The following SLFN11 variants were observed in gnomAD, a reference collection of about 807,000 sequenced individuals.
SLFN11 encodes schlafen family member 11.
In SLFN11, 43 loss-of-function variants were observed where a neutral mutation model predicts 53.4. The observed-to-expected ratio is 0.80, with a 90% CI of 0.63 to 1.04. The LOEUF is 1.04. Among genes scored for constraint, SLFN11 ranks in the 50% least tolerant of loss-of-function variants. The pLI is 0.00. For synonymous variants in SLFN11, 389 were observed against 394.7 expected, an observed-to-expected ratio of 0.99 and a Z score of 0.17; for missense variants, 990 against 1,079.1, an observed-to-expected ratio of 0.92 and a Z score of 1.16.
intron 5 of SLFN11, among the ~76,000 whole-genome samples, chr17:35,359,122 A>G (rs939785634): frequency 1.3e-5 from 2 of 152,154 alleles, no homozygotes; most frequent in Non-Finnish European, 2.9e-5. Context: ...TAGAAGTTTT[A>G]GAAAACTGAT....
chr17:35,361,522 TG>T (rs1481924371), intron 4 of SLFN11, among the ~76,000 whole-genome samples: 3 of 152,010 alleles, frequency 2.0e-5, no homozygotes, highest in Non-Finnish European at 4.4e-5. Context: ...GGTGCATTGC[TG>T]TAATAATGGC....
rs1906747341 is a variant in SLFN11, at chr17:35,352,094, A to G, written c.*262T>C. On this transcript the variant is annotated 3_prime_UTR_variant, in exon 7 of 7. Transcript: ENST00000685675. ...CCCAAAATGCAAGACACAGATCGGC[A>G]TTGTGCAGGACAGCTAAAGTTCCTT... The G allele has an allele frequency of 4.1e-6, 2 of 483,330 alleles. No individual in the cohort carries two copies. The highest frequency in any genetic ancestry group is 7.1e-5 in the Admixed American group (2 of 28,158). The allele number at this position is 483,330 out of a possible 1,614,324, so 29.9% of individuals were successfully genotyped here. A position where few individuals can be genotyped will look rare whatever the true frequency, so the allele number is the denominator to read the frequency against.
chr17:35,362,766 C>T lies in SLFN11; in HGVS notation c.1042G>A (p.Val348Ile). The stretch of plus-strand genomic sequence containing the variant: ...GGATCTGTGTCTGTCATCATGCCTA[C>T]CCATTTCTCGGTTGTCAGGCTGCAG... ...YVCSLTTEKW[V>I]GMMTDTDPDL... is the part of the protein sequence containing the mutation. The change falls in exon 4 of 7, where the codon GTA (valine) becomes ATA (isoleucine). Residue 348 changes from valine (V) to isoleucine (I), a missense_variant. By Grantham distance (29) the Val-to-Ile change is conservative. Transcript: ENST00000685675. 5 of 1,586,378 alleles carry T rather than the reference C, an allele frequency of 3.2e-6. No homozygotes were observed. The highest frequency in any genetic ancestry group is 3.4e-6 in the Non-Finnish European group (4 of 1,166,466).
In SLFN11 at chr17:35,353,672, G is replaced by A; in HGVS notation, c.1586C>T (p.Ala529Val). Residue 529 changes from alanine to valine, a missense_variant, in exon 6 of 7, where the codon GCA (alanine) becomes GTA (valine). Physicochemically the swap from Ala to Val is moderately conservative, Grantham distance 64. Coordinates refer to ENST00000685675, the MANE Select transcript of SLFN11 (RefSeq NM_001376007.1). Reference sequence around the variant, plus strand: ...CGCAGGGTAATCCATCGGAGACACTGCAGCCTCCAAGGCCTCTGCGCTGCT... The same window carrying A: ...CGCAGGGTAATCCATCGGAGACACTACAGCCTCCAAGGCCTCTGCGCTGCT... The part of the protein sequence containing the change: ...PESSAEALEA[A>V]VSPMDYPASY... 2 of 1,235,728 alleles carry A rather than the reference G, an allele frequency of 1.6e-6. No homozygotes were observed. Among genetic ancestry groups the A allele is most frequent in the Non-Finnish European group, 1.1e-6 (1 of 918,520 alleles). 76.5% of individuals were successfully genotyped at this position (1,235,728 alleles called of 1,614,324 possible).
rs180743872 is a variant in SLFN11, at chr17:35,370,674, T to C, written c.-235+2800A>G. Among the ~76,000 whole-genome samples the C allele has an allele frequency of 2.4e-4, 36 of 152,168 alleles. 1 individual carries two copies. Among genetic ancestry groups the C allele is most frequent in the Admixed American group, 2.2e-3 (33 of 15,286 alleles). On this transcript the variant is annotated intron_variant, in intron 1 of 6. Transcript: ENST00000685675. Reference sequence around the variant, plus strand: ...TACAAAAATCAGTAGCATCTCTATATACCAATAGTGAACAATCTGAAAAAG... The same window carrying C: ...TACAAAAATCAGTAGCATCTCTATACACCAATAGTGAACAATCTGAAAAAG...
rs139588310 is a variant in SLFN11 at position 35,353,793 on chromosome 17, G to A, written c.1465C>T (p.Arg489Cys). ...QDAEGQDYCT[R>C]TAFTLKQKLV... ...TTCTGCTTCAAAGTAAAGGCGGTGC[G>A]AGTGCAGTAGTCCTGGCCCTCTGCA... is the stretch of plus-strand genomic sequence containing the variant. Residue 489 changes from arginine to cysteine, a missense_variant, in exon 6 of 7, where the codon CGC becomes TGC. Physicochemically the swap from Arg to Cys is radical, Grantham distance 180. Transcript: ENST00000685675. 0.012 allele frequency: 18,590 copies of A among 1,574,172 alleles called. 164 individuals are homozygous for A. Among genetic ancestry groups the A allele is most frequent in the Middle Eastern group, 0.019 (112 of 5,876 alleles).
At chr17:35,367,962 C>G (rs1234506986) in intron 1 of SLFN11, among the ~76,000 whole-genome samples, 3 of 152,062 alleles carry the variant, frequency 2.0e-5, no homozygotes, top group African/African-American at 7.2e-5. Context: ...ACAACCACCC[C>G]CAAGCGAGGG....
chr17:35,363,239 GC>G lies in SLFN11; in HGVS notation c.568del (p.Ala190LeufsTer3), dbSNP rs1161793276. The stretch of plus-strand genomic sequence containing the variant: ...ATAGTCTTTTTGGAAAATTAGGTCA[GC>G]AGGATCCGAGTTTGGGTCAGCAGGA... Reference protein sequence around the residue: ...SDPADPNSDPADLIFQKDYLE... With the variant: ...SDPADPNSDPXDLIFQKDYLE... On this transcript the variant is annotated frameshift_variant, in exon 4 of 7. Coordinates refer to ENST00000685675, the MANE Select transcript of SLFN11 (RefSeq NM_001376007.1). LOFTEE classifies it high-confidence loss of function. The G allele has an allele frequency of 1.2e-6, 2 of 1,613,950 alleles. No homozygotes were observed. The highest frequency in any genetic ancestry group is 3.3e-5 in the Admixed American group (2 of 59,996).
At chr17:35,359,753 G>A (rs959571294) in intron 5 of SLFN11, among the ~76,000 whole-genome samples, 5 of 152,054 alleles carry the variant, frequency 3.3e-5, no homozygotes, top group Non-Finnish European at 5.9e-5. Flanking sequence ...CACCACTCCC[G>A]TGGAAAATCT....
At position 35,363,066 on chromosome 17, in the gene SLFN11, T is replaced by G; in HGVS notation, c.742A>C (p.Ile248Leu). Residue 248 changes from isoleucine to leucine, a missense_variant, in exon 4 of 7, where the codon ATT (isoleucine) becomes CTT (leucine). Ile to Leu is a conservative substitution (Grantham distance 5). Around this residue, in one of 3 missense-constraint regions of SLFN11, gnomAD observed 521 missense variants for 516.2 expected, o/e 1.01. Coordinates refer to ENST00000685675, the MANE Select transcript of SLFN11 (RefSeq NM_001376007.1). Reference protein sequence around the residue: ...FANTGGGYLFIGVDDKSREVL... With the variant: ...FANTGGGYLFLGVDDKSREVL... Reference sequence around the variant, plus strand: ...TCCCTACTCTTATCATCCACTCCAATAAAAAGATAGCCTCCTCCAGTGTTT... The same window carrying G: ...TCCCTACTCTTATCATCCACTCCAAGAAAAAGATAGCCTCCTCCAGTGTTT... 6.2e-7 allele frequency: 1 copy of G among 1,614,036 alleles called. No individual in the cohort carries two copies. Among genetic ancestry groups the G allele is most frequent in the Non-Finnish European group, 8.5e-7 (1 of 1,179,972 alleles).
Position 35,363,814 on chromosome 17 carries a change from C to T in SLFN11, c.-7G>A, listed in dbSNP as rs1205435306. On this transcript the variant is annotated 5_prime_UTR_variant, in exon 4 of 7. Coordinates refer to ENST00000685675, the MANE Select transcript of SLFN11 (RefSeq NM_001376007.1). ...GGCACTGATTTGCCTCCATGTTGAA[C>T]TCACAGCTGAAACTATTAGAAGAAA... The T allele has an allele frequency of 7.1e-6, 11 of 1,551,680 alleles. No homozygotes were observed. Among genetic ancestry groups the T allele is most frequent in the Admixed American group, 2.1e-5 (1 of 46,892 alleles).
chr17:35,361,436 C>T (rs779120026), intron 4 of SLFN11, among the ~76,000 whole-genome samples: 1 of 151,998 alleles, frequency 6.6e-6, no homozygotes, highest in Non-Finnish European at 1.5e-5. Context: ...CACCCCTACC[C>T]CCGTGACCCT....
rs148853374 is a variant in SLFN11, at chr17:35,363,710, T to G, written c.98A>C (p.Lys33Thr). 3.7e-6 allele frequency: 6 copies of G among 1,613,824 alleles called. No homozygotes were observed. In the African/African-American group the frequency reaches 8.0e-5, roughly 22 times the overall value. Reference sequence around the variant, plus strand: ...TTGGTCTCTCTGAATTTTCTGCAGCTTTTTTCTGTTTTCTTCTCCAAGAGT... The same window carrying G: ...TTGGTCTCTCTGAATTTTCTGCAGCGTTTTTCTGTTTTCTTCTCCAAGAGT... The part of the protein sequence containing the change: ...EVTLGEENRK[K>T]LQKIQRDQEK... The change falls in exon 4 of 7, where the codon AAG becomes ACG. Residue 33 changes from lysine to threonine, a missense_variant. By Grantham distance (78) the Lys-to-Thr change is moderately conservative. Coordinates refer to ENST00000685675, the MANE Select transcript of SLFN11 (RefSeq NM_001376007.1).
chr17:35,360,331 A>T lies in SLFN11; in HGVS notation c.1110T>A (p.Ser370Arg), dbSNP rs1018415887. Reference sequence around the variant, plus strand: ...TGCTAAGGGGAGGCCCACTAGATAGACTCAGCTGACATTCAAAATCTTCAG... The same window carrying T: ...TGCTAAGGGGAGGCCCACTAGATAGTCTCAGCTGACATTCAAAATCTTCAG... ...QLSEDFECQL[S>R]LSSGPPLSRP... Residue 370 changes from serine to arginine, a missense_variant, in exon 5 of 7, where the codon AGT (serine) becomes AGA (arginine). By Grantham distance (110) the Ser-to-Arg change is moderately radical. Around this residue, in one of 3 missense-constraint regions of SLFN11, gnomAD observed 521 missense variants for 516.2 expected, o/e 1.01. Coordinates refer to ENST00000685675, the MANE Select transcript of SLFN11 (RefSeq NM_001376007.1). 9 of 1,609,194 alleles carry T rather than the reference A, an allele frequency of 5.6e-6. No homozygotes were observed. Among genetic ancestry groups the T allele is most frequent in the Non-Finnish European group, 6.8e-6 (8 of 1,178,504 alleles).
chr17:35,352,285 A>G lies in SLFN11; in HGVS notation c.*71T>C. 1.3e-6 allele frequency: 2 copies of G among 1,550,682 alleles called. No individual in the cohort carries two copies. Among genetic ancestry groups the G allele is most frequent in the Non-Finnish European group, 1.8e-6 (2 of 1,142,426 alleles). On this transcript the variant is annotated 3_prime_UTR_variant, in exon 7 of 7. Coordinates refer to ENST00000685675, the MANE Select transcript of SLFN11 (RefSeq NM_001376007.1). ...CCAAATCTCTGACTTGTGAACTAAA[A>G]AGAAAGGTTTCTACCATCAGCAGAC...
At position 35,352,934 on chromosome 17, in the gene SLFN11, A is replaced by G; in HGVS notation, c.2128T>C (p.Leu710=). 2 of 1,614,228 alleles carry G rather than the reference A, an allele frequency of 1.2e-6. No homozygotes were observed. Among genetic ancestry groups the G allele is most frequent in the Non-Finnish European group, 8.5e-7 (1 of 1,180,048 alleles). ...IFLDYFQTSH[L]DCSGLPPLSD... ...AGAGGAGGGAGGCCACTGCAATCCAAGTGGCTGGTCTGAAAGTAATCCAGA... is the reference window on the plus strand; with the variant it reads ...AGAGGAGGGAGGCCACTGCAATCCAGGTGGCTGGTCTGAAAGTAATCCAGA... Residue 710 remains leucine (L), a synonymous_variant, in exon 7 of 7, where the codon TTG becomes CTG. Coordinates refer to ENST00000685675, the MANE Select transcript of SLFN11 (RefSeq NM_001376007.1).
At chr17:35,364,063 T>C (rs189199993) in intron 3 of SLFN11, among the ~76,000 whole-genome samples, 2 of 152,110 alleles carry the variant, frequency 1.3e-5, no homozygotes, top group East Asian at 3.9e-4. Context: ...TAAACTAATC[T>C]GAAGATGATG....
rs772949390 is a variant in SLFN11, at chr17:35,352,372, G to A, written c.2690C>T (p.Pro897Leu). 14 of 1,613,558 alleles carry A rather than the reference G, an allele frequency of 8.7e-6. No homozygotes were observed. Among genetic ancestry groups the A allele is most frequent in the Admixed American group, 5.0e-5 (3 of 59,980 alleles). Reference protein sequence around the residue: ...SRAKQHLYIFPWGGH With the variant: ...SRAKQHLYIFLWGGH ...GAGTTCTTCCTAATGGCCACCCCAC[G>A]GAAAAATATACAGGTGTTGTTTTGC... is the stretch of plus-strand genomic sequence containing the variant. Residue 897 changes from proline to leucine, a missense_variant, in exon 7 of 7, where the codon CCG (proline) becomes CTG (leucine). Pro to Leu is a moderately conservative substitution (Grantham distance 98). Coordinates refer to ENST00000685675, the MANE Select transcript of SLFN11 (RefSeq NM_001376007.1).
chr17:35,370,722 A>G (rs1057319926), intron 1 of SLFN11, among the ~76,000 whole-genome samples: 3 of 152,222 alleles, frequency 2.0e-5, no homozygotes, highest in African/African-American at 4.8e-5. Context: ...CCCACTTACA[A>G]TAGCCACAAA....
Sources: allele counts gnomAD v4.1 joint callset (sites outside exome capture counted in the v4.1 genomes callset), GRCh38; gene constraint gnomAD v4.1.1; regional missense constraint gnomAD v4.1.1; transcripts MANE v1.5; gene names NCBI Gene and HGNC (gene_info 2026-07-23, HGNC 2026-07-21).